The following NRG3 variants were observed in gnomAD, a reference collection of about 807,000 sequenced individuals.
NRG3 encodes neuregulin 3.
Under a neutral mutation model 66.9 loss-of-function variants are expected in NRG3, and 31 were observed. The ratio of observed to expected loss-of-function variants is 0.46; its 90% CI spans 0.35 to 0.63. The LOEUF (loss-of-function observed/expected upper bound fraction) is 0.63. Among genes scored for constraint, NRG3 ranks in the 20% least tolerant of loss-of-function variants. NRG3 has a pLI of 0.00. For missense variants in NRG3, 910 were observed against 878.9 expected (o/e 1.04, Z -0.45); for synonymous variants, 393 against 359.4 (o/e 1.09, Z -1.06).
At chr10:82,222,018 C>T (rs960495955) in intron 1 of NRG3, among the ~76,000 whole-genome samples, 7 of 151,818 alleles carry the variant, frequency 4.6e-5, no homozygotes, top group African/African-American at 1.5e-4. Flanking sequence ...TGACATTGCT[C>T]ACCCTTTCTT....
At chr10:82,568,016 GT>G (rs2045517143) in intron 2 of NRG3, among the ~76,000 whole-genome samples, 1 of 151,942 alleles carries the variant, frequency 6.6e-6, no homozygotes, top group African/African-American at 2.4e-5. Flanking sequence ...TTTCTCCTTA[GT>G]TTTGTCATTT....
At chr10:81,878,194 C>A in intron 1 of NRG3, 2 of 1,090,564 alleles carry the variant, frequency 1.8e-6, no homozygotes, top group Non-Finnish European at 2.5e-6. Flanking sequence ...CCCTCAGCCC[C>A]AAGGAAAAGA....
chr10:81,900,228 ATGAG>A (rs1843914703), intron 1 of NRG3, among the ~76,000 whole-genome samples: 1 of 146,858 alleles, frequency 6.8e-6, no homozygotes, highest in African/African-American at 2.7e-5. Flanking sequence ...GATTACAGGC[ATGAG>A]CCAATGCGCC....
chr10:82,836,568 GTTA>G, intron 3 of NRG3, among the ~76,000 whole-genome samples: 1 of 151,780 alleles, frequency 6.6e-6, no homozygotes, highest in Middle Eastern at 3.4e-3. Flanking sequence ...GTTGACCATT[GTTA>G]TTTTCTTTTT....
chr10:82,571,578 C>A (rs1054125029), intron 2 of NRG3, among the ~76,000 whole-genome samples: 1 of 151,534 alleles, frequency 6.6e-6, no homozygotes, highest in Non-Finnish European at 1.5e-5. Flanking sequence ...AAAAGAATAG[C>A]GAGATACTTC....
intron 1 of NRG3, among the ~76,000 whole-genome samples, chr10:82,147,622 A>G (rs1056088793): frequency 2.0e-5 from 3 of 152,176 alleles, no homozygotes; most frequent in Non-Finnish European, 2.9e-5. Flanking sequence ...GAGCTGCCCA[A>G]TGTGCCTGCG....
At chr10:82,662,508 AC>A (rs1795026765) in intron 2 of NRG3, among the ~76,000 whole-genome samples, 1 of 152,174 alleles carries the variant, frequency 6.6e-6, no homozygotes. Context: ...TCAAAACCAC[AC>A]AGGAAACAAC....
intron 2 of NRG3, among the ~76,000 whole-genome samples, chr10:82,649,101 A>G (rs1332407627): frequency 1.3e-5 from 2 of 152,162 alleles, no homozygotes; most frequent in Non-Finnish European, 2.9e-5. Flanking sequence ...CCTATTCAAC[A>G]TAGTGTTGGA....
At chr10:81,916,698 G>T (rs2132818681) in intron 1 of NRG3, among the ~76,000 whole-genome samples, 1 of 152,278 alleles carries the variant, frequency 6.6e-6, no homozygotes, top group South Asian at 2.1e-4. Context: ...AACTCTAGTA[G>T]AAGGGCAGGC....
intron 4 of NRG3, among the ~76,000 whole-genome samples, chr10:82,870,159 C>T (rs2483296): frequency 0.46 from 69,143 of 151,110 alleles, 16,216 homozygotes; most frequent in East Asian, 0.67. Context: ...TGAGCCACCA[C>T]GCCTGGCCCC....
At chr10:82,834,478 G>A (rs536547849) in intron 3 of NRG3, among the ~76,000 whole-genome samples, 1 of 152,232 alleles carries the variant, frequency 6.6e-6, no homozygotes, top group South Asian at 2.1e-4. Flanking sequence ...TAGAGTAACA[G>A]CGAATTGCAA....
chr10:82,736,118 AAAAC>A (rs1375974568), intron 2 of NRG3, among the ~76,000 whole-genome samples: 3 of 152,158 alleles, frequency 2.0e-5, no homozygotes, highest in Admixed American at 6.5e-5. Context: ...AAAAGAAAAT[AAAAC>A]AAACAAATAC....
chr10:82,105,360 T>C (rs1175593742), intron 1 of NRG3, among the ~76,000 whole-genome samples: 1 of 152,188 alleles, frequency 6.6e-6, no homozygotes, highest in African/African-American at 2.4e-5. Context: ...ATAGGGTTTG[T>C]TCGCTAGCAT....
chr10:82,340,870 TA>T lies in NRG3; in HGVS notation c.824-17868del, dbSNP rs1488505664. ...ACATGCAAATTTGTGAAACGTTCCCTATTTTTATGGTTAATGGGTACAAAAA... is the reference window on the plus strand; with the variant it reads ...ACATGCAAATTTGTGAAACGTTCCCTTTTTTATGGTTAATGGGTACAAAAA... On this transcript the variant is annotated intron_variant, in intron 1 of 8. Coordinates refer to ENST00000372141, the MANE Select transcript of NRG3 (RefSeq NM_001010848.4). 5.3e-5 allele frequency: 8 copies of T among 152,310 alleles called. No individual in the cohort carries two copies. The South Asian group carries it at 1.7e-3, about 32-fold the overall frequency. The allele number at this position is 152,310 out of a possible 1,614,324, so 9.4% of individuals were successfully genotyped here.
chr10:82,468,633 T>G (rs537009623), intron 2 of NRG3, among the ~76,000 whole-genome samples: 9 of 152,270 alleles, frequency 5.9e-5, no homozygotes, highest in Non-Finnish European at 5.9e-5. Context: ...AGGCAGAGAA[T>G]TATGTGAGGA....
chr10:81,970,230 TGCATATA>T (rs1371568560), intron 1 of NRG3, among the ~76,000 whole-genome samples: 1 of 152,218 alleles, frequency 6.6e-6, no homozygotes, highest in Non-Finnish European at 1.5e-5. Context: ...GTTATTTTTG[TGCATATA>T]GCATAGTAAA....
chr10:82,102,040 T>C (rs535087641), intron 1 of NRG3, among the ~76,000 whole-genome samples: 217 of 140,770 alleles, frequency 1.5e-3, no homozygotes, highest in African/African-American at 4.9e-3. Context: ...TATATGCACA[T>C]ATAAATGTAA....
intron 2 of NRG3, among the ~76,000 whole-genome samples, chr10:82,531,545 TAATA>T (rs1847262761): frequency 6.6e-6 from 1 of 151,874 alleles, no homozygotes; most frequent in South Asian, 2.1e-4. Context: ...ATTTATTAAT[TAATA>T]AACAGTTATT....
rs1393351924 is a variant in NRG3 at position 82,170,670 on chromosome 10, A to G, written c.824-188069A>G. Among the ~76,000 whole-genome samples the G allele has an allele frequency of 5.3e-4, 57 of 107,560 alleles. 2 individuals are homozygous for G. The highest frequency in any genetic ancestry group is 2.1e-3 in the East Asian group (7 of 3,382). 70.6% of individuals were successfully genotyped at this position (107,560 alleles called of 152,430 possible). On this transcript the variant is annotated intron_variant, in intron 1 of 8. Coordinates refer to ENST00000372141, the MANE Select transcript of NRG3 (RefSeq NM_001010848.4). The stretch of plus-strand genomic sequence containing the variant: ...AAACTTGTGGTATATATATATATAT[A>G]TATATATATATATATATATATATAT...
Sources: allele counts gnomAD v4.1 joint callset (sites outside exome capture counted in the v4.1 genomes callset), GRCh38; gene constraint gnomAD v4.1.1; transcripts MANE v1.5; gene names NCBI Gene and HGNC (gene_info 2026-07-23, HGNC 2026-07-21).